UNC13C: variants seen among roughly 807,000 people sequenced by gnomAD.
The protein encoded by UNC13C is unc-13 homolog C.
UNC13C carries 174 observed loss-of-function variants against 245.4 expected under a neutral mutation model. The observed-to-expected ratio is 0.71, with a 90% confidence interval of 0.63 to 0.80. The LOEUF (loss-of-function observed/expected upper bound fraction) is 0.80, where lower values mean the gene tolerates loss of function less well. UNC13C is among the 30% of genes least tolerant of loss of function. The pLI is 0.00. For synonymous variants in UNC13C, 992 were observed against 895.1 expected, an observed-to-expected ratio of 1.11 and a Z score of -1.93; for missense variants, 2,829 against 2,602.9, an observed-to-expected ratio of 1.09 and a Z score of -1.89.
chr15:54,065,077 A>T (rs1176492042), intron 2 of UNC13C, among the ~76,000 whole-genome samples: 2 of 152,250 alleles, frequency 1.3e-5, no homozygotes, highest in Admixed American at 6.5e-5. Context: ...TAGATATGCA[A>T]ACCAGACTGT....
the UNC13C span, among the ~76,000 whole-genome samples, chr15:53,940,133 G>A: frequency 6.6e-6 from 1 of 152,094 alleles, no homozygotes; most frequent in African/African-American, 2.4e-5. Context: ...AAGTCTGTTG[G>A]CTTCACCATG....
the UNC13C span, among the ~76,000 whole-genome samples, chr15:53,866,131 TC>T: frequency 6.6e-6 from 1 of 152,210 alleles, no homozygotes; most frequent in East Asian, 1.9e-4. Flanking sequence ...CAACTGCTAT[TC>T]TTCAGTACCT....
At chr15:53,843,017 A>T in the UNC13C span, among the ~76,000 whole-genome samples, 1 of 151,858 alleles carries the variant, frequency 6.6e-6, no homozygotes, top group Non-Finnish European at 1.5e-5. Flanking sequence ...TTTACTCACA[A>T]CTAGAATGGT....
intron 22 of UNC13C, among the ~76,000 whole-genome samples, chr15:54,504,962 G>T (rs887703052): frequency 2.0e-5 from 3 of 152,158 alleles, no homozygotes; most frequent in African/African-American, 7.2e-5. Flanking sequence ...AGAACTGATT[G>T]TAGCTGAAAG....
At chr15:54,392,039 GGA>G (rs2039969366) in intron 17 of UNC13C, among the ~76,000 whole-genome samples, 1 of 152,036 alleles carries the variant, frequency 6.6e-6, no homozygotes, top group Non-Finnish European at 1.5e-5. Context: ...TTGAGTTTCT[GGA>G]GCCATAAGTT....
intron 4 of UNC13C, among the ~76,000 whole-genome samples, chr15:54,158,426 T>C (rs971224733): frequency 1.3e-5 from 2 of 152,044 alleles, no homozygotes; most frequent in Admixed American, 6.5e-5. Context: ...CCTCCCGGGT[T>C]CTCACCATTC....
chr15:54,116,297 A>G (rs67808180), intron 2 of UNC13C, among the ~76,000 whole-genome samples: 29,569 of 152,008 alleles, frequency 0.19, 3,061 homozygotes, highest in South Asian at 0.28. Context: ...ATCCCCTTCT[A>G]GCTATTTTGA....
intron 19 of UNC13C, among the ~76,000 whole-genome samples, chr15:54,417,238 C>T (rs1377022743): frequency 1.3e-5 from 2 of 151,978 alleles, no homozygotes; most frequent in African/African-American, 4.8e-5. Flanking sequence ...AAATAAATTG[C>T]CAACTTTACC....
At chr15:54,600,432 G>T (rs1350802453) in intron 30 of UNC13C, among the ~76,000 whole-genome samples, 2 of 152,036 alleles carry the variant, frequency 1.3e-5, no homozygotes, top group African/African-American at 4.8e-5. Context: ...CAGAGTATAG[G>T]GGAGCAGGCC....
chr15:53,945,325 A>G, the UNC13C span, among the ~76,000 whole-genome samples: 3 of 152,250 alleles, frequency 2.0e-5, no homozygotes, highest in South Asian at 2.1e-4. Flanking sequence ...GCCAGTTCCT[A>G]TGTTCAGAAT....
chr15:54,024,626 T>C (rs1410105036), intron 2 of UNC13C, among the ~76,000 whole-genome samples: 1 of 152,054 alleles, frequency 6.6e-6, no homozygotes, highest in Non-Finnish European at 1.5e-5. Flanking sequence ...GTTAAAAAAA[T>C]ATGCTATGAA....
intron 2 of UNC13C, among the ~76,000 whole-genome samples, chr15:54,113,396 A>T (rs1030643052): frequency 1.3e-5 from 2 of 152,200 alleles, no homozygotes; most frequent in African/African-American, 4.8e-5. Flanking sequence ...TAAGCAGAAA[A>T]ATCAGAGTGG....
rs79291504 is a variant in UNC13C, at chr15:54,458,680, C to CTTTTTTTTTT, written c.4934-35914_4934-35905dup. ...TTTTAAACTATTGTTCCTTTAAGGT[C>CTTTTTTTTTT]TTTTTTTTTTTTTTTTTTTTTTTAA... On this transcript the variant is annotated intron_variant, in intron 19 of 32. Transcript: ENST00000260323. Among the ~76,000 whole-genome samples the CTTTTTTTTTT allele has an allele frequency of 1.8e-4, 12 of 65,968 alleles. 1 individual carries two copies. The highest frequency in any genetic ancestry group is 5.9e-4 in the East Asian group (1 of 1,704). The allele number at this position is 65,968 out of a possible 152,430, so 43.3% of individuals were successfully genotyped here.
At chr15:54,298,508 C>T (rs1397832770) in intron 12 of UNC13C, among the ~76,000 whole-genome samples, 2 of 152,138 alleles carry the variant, frequency 1.3e-5, no homozygotes, top group Non-Finnish European at 2.9e-5. Context: ...ACTGCACAGT[C>T]CTCCGTGTTA....
At chr15:54,138,031 C>T (rs1197721148) in intron 2 of UNC13C, among the ~76,000 whole-genome samples, 1 of 151,930 alleles carries the variant, frequency 6.6e-6, no homozygotes, top group African/African-American at 2.4e-5. Flanking sequence ...TTTTGTTTGT[C>T]TCTAAATATT....
At chr15:53,880,216 A>G in the UNC13C span, among the ~76,000 whole-genome samples, 2 of 152,150 alleles carry the variant, frequency 1.3e-5, no homozygotes, top group South Asian at 4.1e-4. Flanking sequence ...TACAGTTGCA[A>G]ATGGCAGAAT....
In UNC13C at chr15:54,202,413, C is replaced by T. The variant is rs113328151; in HGVS notation, c.3072-32617C>T. On this transcript the variant is annotated intron_variant, in intron 4 of 32. Coordinates refer to ENST00000260323, the MANE Select transcript of UNC13C (RefSeq NM_001080534.3). The stretch of plus-strand genomic sequence containing the variant: ...ATGGAGGCATCACATTACCCAAATT[C>T]AAACTATACTATAAGCCATAGTCAC... 8.0e-3 allele frequency among the ~76,000 whole-genome samples: 1,218 copies of T among 152,078 alleles called. 21 individuals carry two copies. The highest frequency in any genetic ancestry group is 0.028 in the African/African-American group (1,161 of 41,526).
chr15:54,308,474 A>G (rs2037782217), intron 13 of UNC13C, among the ~76,000 whole-genome samples: 1 of 151,878 alleles, frequency 6.6e-6, no homozygotes, highest in Non-Finnish European at 1.5e-5. Flanking sequence ...GCTAATGAAC[A>G]TATATATTAC....
intron 10 of UNC13C, 60 bp downstream of exon 10, chr15:54,265,556 A>G (rs2140892022): frequency 8.2e-7 from 1 of 1,220,122 alleles, no homozygotes; most frequent in Non-Finnish European, 1.1e-6. Context: ...AATTTAAGAC[A>G]GGCATACAAA....
Sources: gnomAD v4.1 joint callset for allele counts (sites outside exome capture counted in the v4.1 genomes callset) on GRCh38, gnomAD v4.1.1 for gene constraint, MANE v1.5 for transcripts, NCBI Gene and HGNC (gene_info 2026-07-23, HGNC 2026-07-21) for gene names.